Variants in GNAQ observed in about 807,000 individuals in gnomAD.
GNAQ encodes guanine nucleotide-binding protein G(q) subunit alpha.
GNAQ carries 8 observed loss-of-function variants against 43.9 expected under a neutral mutation model. That is an observed-to-expected ratio of 0.18 (90% CI 0.11 to 0.33). The LOEUF is 0.33. Ranked by LOEUF, GNAQ falls within the 10% of genes least tolerant of loss-of-function variation. The pLI, the probability that GNAQ is intolerant of heterozygous loss-of-function variation, is 1.00. For missense variants in GNAQ, 158 were observed against 450.8 expected (o/e 0.35, Z 5.88); for synonymous variants, 155 against 170.7 (o/e 0.91, Z 0.71).
chr9:77,929,087 T>C (rs1367311647), intron 1 of GNAQ, among the ~76,000 whole-genome samples: 3 of 152,204 alleles, frequency 2.0e-5, no homozygotes, highest in African/African-American at 7.2e-5. Flanking sequence ...TTTTTTAAAC[T>C]AGCATCAGTA....
At chr9:77,843,169 T>G (rs1218579546) in intron 2 of GNAQ, among the ~76,000 whole-genome samples, 1 of 152,108 alleles carries the variant, frequency 6.6e-6, no homozygotes, top group Non-Finnish European at 1.5e-5. Flanking sequence ...CCTTAAACAT[T>G]AATGTGGCAC....
At chr9:77,721,609 A>ATT in intron 6 of GNAQ, 96 bp from the exon 7 acceptor site, 1 of 762,526 alleles carries the variant, frequency 1.3e-6, no homozygotes. Flanking sequence ...TTGCTCATGA[A>ATT]GCCTACATCT....
chr9:77,824,719 A>G (rs919471311), intron 2 of GNAQ, among the ~76,000 whole-genome samples: 9 of 152,202 alleles, frequency 5.9e-5, no homozygotes, highest in Non-Finnish European at 1.2e-4. Context: ...ACCATGTTGG[A>G]TATTTCACTT....
intron 2 of GNAQ, among the ~76,000 whole-genome samples, chr9:77,869,286 G>C (rs994891440): frequency 3.3e-5 from 5 of 152,086 alleles, no homozygotes; most frequent in African/African-American, 9.7e-5. Flanking sequence ...TGTTTTCTCT[G>C]CTTCTTCAAT....
chr9:77,746,415 G>A (rs1181657505), intron 5 of GNAQ, among the ~76,000 whole-genome samples: 2 of 152,184 alleles, frequency 1.3e-5, no homozygotes, highest in East Asian at 3.9e-4. Flanking sequence ...GATTAGAAAA[G>A]ACAAAGCCAA....
At chr9:77,780,897 G>A (rs1335353445) in intron 5 of GNAQ, among the ~76,000 whole-genome samples, 3 of 150,264 alleles carry the variant, frequency 2.0e-5, no homozygotes, top group African/African-American at 7.3e-5. Flanking sequence ...TTTGTTGACT[G>A]TGTGTCTTCC....
chr9:77,881,761 T>C (rs1828211551), intron 2 of GNAQ, among the ~76,000 whole-genome samples: 1 of 152,212 alleles, frequency 6.6e-6, no homozygotes, highest in Non-Finnish European at 1.5e-5. Context: ...TCATTGAGTT[T>C]TTATGGGTAT....
intron 2 of GNAQ, among the ~76,000 whole-genome samples, chr9:77,867,320 A>G (rs2118011123): frequency 6.6e-6 from 1 of 152,284 alleles, no homozygotes; most frequent in South Asian, 2.1e-4. Flanking sequence ...AGAAGCCTGG[A>G]CCAGATCCCC....
intron 3 of GNAQ, among the ~76,000 whole-genome samples, chr9:77,812,515 T>C (rs138812556): frequency 3.5e-4 from 53 of 152,154 alleles, no homozygotes; most frequent in Non-Finnish European, 6.3e-4. Flanking sequence ...ATCAGGCAAA[T>C]CTAGGCCAAT....
intron 1 of GNAQ, among the ~76,000 whole-genome samples, chr9:78,003,887 G>T (rs1823674464): frequency 6.6e-6 from 1 of 150,680 alleles, no homozygotes; most frequent in Non-Finnish European, 1.5e-5. Flanking sequence ...CTTTGCCAAA[G>T]TAGAAAGTAC....
intron 1 of GNAQ, 101 bp from the exon 2 acceptor site, chr9:77,922,446 G>T: frequency 1.2e-6 from 1 of 806,500 alleles, no homozygotes; most frequent in Non-Finnish European, 2.0e-6. Context: ...TCCCCAGATA[G>T]CCTGCTGAGA....
At chr9:77,985,535 A>C (rs908894985) in intron 1 of GNAQ, among the ~76,000 whole-genome samples, 5 of 152,210 alleles carry the variant, frequency 3.3e-5, no homozygotes, top group Non-Finnish European at 5.9e-5. Flanking sequence ...TCACAGCTTA[A>C]AACACAGTAA....
intron 1 of GNAQ, among the ~76,000 whole-genome samples, chr9:78,009,661 A>C (rs764403563): frequency 6.6e-6 from 1 of 152,270 alleles, no homozygotes; most frequent in Non-Finnish European, 1.5e-5. Context: ...TCTAACTACA[A>C]ATCTTATTGT....
At chr9:77,863,162 G>GA (rs1234213534) in intron 2 of GNAQ, among the ~76,000 whole-genome samples, 1 of 151,520 alleles carries the variant, frequency 6.6e-6, no homozygotes, top group Non-Finnish European at 1.5e-5. Context: ...CAACAAGAAT[G>GA]AAACTCCGTA....
intron 5 of GNAQ, among the ~76,000 whole-genome samples, chr9:77,739,503 GTTA>G (rs762411449): frequency 2.4e-4 from 37 of 152,294 alleles, no homozygotes; most frequent in Admixed American, 8.5e-4. Flanking sequence ...TTTCAAAGAA[GTTA>G]TTAAGAGAAT....
chr9:77,993,453 C>T (rs986958256), intron 1 of GNAQ, among the ~76,000 whole-genome samples: 7 of 152,120 alleles, frequency 4.6e-5, no homozygotes, highest in Admixed American at 2.6e-4. Context: ...AATCCCAACA[C>T]TTTGGGAGGC....
intron 3 of GNAQ, among the ~76,000 whole-genome samples, chr9:77,799,857 AG>A (rs1428297408): frequency 6.6e-6 from 1 of 152,230 alleles, no homozygotes; most frequent in East Asian, 1.9e-4. Flanking sequence ...GTTGAGTAAC[AG>A]GAACCAGCCT....
intron 2 of GNAQ, among the ~76,000 whole-genome samples, chr9:77,863,069 G>A (rs1587371700): frequency 6.6e-6 from 1 of 152,150 alleles, no homozygotes; most frequent in African/African-American, 2.4e-5. Flanking sequence ...AGCTACTTGG[G>A]AGGCAGAGGC....
chr9:77,775,566 C>T lies in GNAQ; in HGVS notation c.735+18897G>A, dbSNP rs540171998. Among the ~76,000 whole-genome samples the T allele has an allele frequency of 2.2e-3, 332 of 149,954 alleles. 2 individuals carry two copies. The Middle Eastern group carries it at 0.041, about 18-fold the overall frequency. ...CTGGGACTATAGGCGCCCGCCACCA[C>T]GCCCAGCTAAATTTTTTTTTGTATT... is the stretch of plus-strand genomic sequence containing the variant. On this transcript the variant is annotated intron_variant, in intron 5 of 6. Transcript: ENST00000286548.
Sources: allele counts gnomAD v4.1 joint callset (sites outside exome capture counted in the v4.1 genomes callset), GRCh38; gene constraint gnomAD v4.1.1; transcripts MANE v1.5; gene names NCBI Gene and HGNC (gene_info 2026-07-23, HGNC 2026-07-21).